The following NFATC2 variants were observed in gnomAD, a reference collection of about 807,000 sequenced individuals.
NFATC2 encodes the protein nuclear factor of activated T-cells, cytoplasmic 2.
NFATC2 carries 22 observed loss-of-function variants against 87.3 expected under a neutral mutation model. The observed-to-expected ratio is 0.25, with a 90% CI of 0.18 to 0.36. The LOEUF is 0.36. Among genes scored for constraint, NFATC2 ranks in the 10% least tolerant of loss-of-function variants. The pLI is 1.00. For synonymous variants in NFATC2, 565 were observed against 542.2 expected (o/e 1.04, Z -0.58); for missense variants, 1,149 against 1,259.1 (o/e 0.91, Z 1.32).
intron 3 of NFATC2, among the ~76,000 whole-genome samples, chr20:51,504,999 CTTTTTTTTTTTTTTTTTTTTT>C (rs34489487): frequency 3.6e-4 from 26 of 72,504 alleles, no homozygotes; most frequent in African/African-American, 1.7e-3. Context: ...TATCTAGTTC[CTTTTTTTTTTTTTTTTTTTTT>C]TTTTTTTTTT....
At position 51,433,831 on chromosome 20, in the gene NFATC2, G is replaced by A. The variant is rs533321773; in HGVS notation, c.2033-1075C>T. Among the ~76,000 whole-genome samples, 18 of 151,816 alleles carry A rather than the reference G, an allele frequency of 1.2e-4. No homozygotes were observed. The East Asian group carries it at 2.7e-3, about 23-fold the overall frequency. Reference sequence around the variant, plus strand: ...AAGTATTGGGGTTTGGAGGAGATAAGGAGACTAGGCAAGGCTGTCTCTAAC... The same window carrying A: ...AAGTATTGGGGTTTGGAGGAGATAAAGAGACTAGGCAAGGCTGTCTCTAAC... On this transcript the variant is annotated intron_variant, in intron 8 of 10. Transcript: ENST00000371564.
chr20:51,449,223 G>A (rs1323293704), intron 6 of NFATC2, among the ~76,000 whole-genome samples: 1 of 152,182 alleles, frequency 6.6e-6, no homozygotes, highest in Middle Eastern at 3.2e-3. Context: ...CATGGAGATG[G>A]GAACGGGGAT....
intron 5 of NFATC2, among the ~76,000 whole-genome samples, chr20:51,462,400 C>T (rs1419372637): frequency 1.3e-5 from 2 of 152,122 alleles, no homozygotes; most frequent in East Asian, 1.9e-4. Flanking sequence ...GAGTCGAGAT[C>T]GCGCCACTGC....
At chr20:51,485,432 C>A (rs1434227594) in intron 3 of NFATC2, among the ~76,000 whole-genome samples, 1 of 152,224 alleles carries the variant, frequency 6.6e-6, no homozygotes, top group East Asian at 1.9e-4. Flanking sequence ...TACCAACATT[C>A]CCGTCCCCAC....
rs11474098 is a variant in NFATC2 at position 51,438,443 on chromosome 20, G to GAAAA, written c.1850-2686_1850-2683dup. 3.5e-3 allele frequency among the ~76,000 whole-genome samples: 481 copies of GAAAA among 138,976 alleles called. 4 individuals carry two copies. Among genetic ancestry groups the GAAAA allele is most frequent in the Admixed American group, 5.0e-3 (70 of 13,888 alleles). The allele number at this position is 138,976 out of a possible 152,430, so 91.2% of individuals were successfully genotyped here. ...TTTTCCACTTATATGAGCTTGCTTT[G>GAAAA]AAAAAAAAAAAAAAAAGATCATTTT... On this transcript the variant is annotated intron_variant, in intron 6 of 10. Coordinates refer to ENST00000371564, the MANE Select transcript of NFATC2 (RefSeq NM_012340.5).
At chr20:51,532,968 T>C (rs1230423270) in intron 1 of NFATC2, among the ~76,000 whole-genome samples, 7 of 152,126 alleles carry the variant, frequency 4.6e-5, no homozygotes, top group Admixed American at 4.6e-4. Context: ...CACTGATCCC[T>C]GGCCAAGCTG....
chr20:51,529,631 G>T (rs2076601230), intron 1 of NFATC2, among the ~76,000 whole-genome samples: 1 of 152,048 alleles, frequency 6.6e-6, no homozygotes, highest in South Asian at 2.1e-4. Flanking sequence ...ACCACCAAAT[G>T]TTCTCAGGAG....
intron 3 of NFATC2, among the ~76,000 whole-genome samples, chr20:51,479,893 C>T (rs1989086826): frequency 6.6e-6 from 1 of 152,196 alleles, no homozygotes. Flanking sequence ...TCTCTGTCCT[C>T]AGCGCTTGGT....
chr20:51,487,757 C>A (rs1989838932), intron 3 of NFATC2, among the ~76,000 whole-genome samples: 1 of 152,050 alleles, frequency 6.6e-6, no homozygotes, highest in African/African-American at 2.4e-5. Context: ...AAAGACTGTG[C>A]AGGTCTCTCT....
chr20:51,539,056 TC>T (rs1186777241), intron 1 of NFATC2, among the ~76,000 whole-genome samples: 1 of 152,156 alleles, frequency 6.6e-6, no homozygotes, highest in Non-Finnish European at 1.5e-5. Flanking sequence ...CTTAGCGTCC[TC>T]CTCCATAAAA....
chr20:51,506,839 A>G (rs185858590), intron 3 of NFATC2, among the ~76,000 whole-genome samples: 58 of 152,290 alleles, frequency 3.8e-4, no homozygotes, highest in Non-Finnish European at 4.6e-4. Flanking sequence ...CCTAAAGCAG[A>G]TGTCTCCTTT....
At chr20:51,542,749 C>T, upstream of NFATC2, 2 of 3,882 alleles carry the variant, frequency 5.2e-4, no homozygotes, top group Non-Finnish European at 8.9e-4. Flanking sequence ...CCCGGGGAGG[C>T]GGGGGGGGGG....
intron 1 of NFATC2, among the ~76,000 whole-genome samples, chr20:51,537,906 T>C (rs911082414): frequency 3.9e-5 from 6 of 152,196 alleles, no homozygotes; most frequent in Admixed American, 2.6e-4. Flanking sequence ...ATAAAATGGA[T>C]AATTTCCCAG....
At chr20:51,499,060 G>A (rs2076036835) in intron 3 of NFATC2, among the ~76,000 whole-genome samples, 1 of 152,156 alleles carries the variant, frequency 6.6e-6, no homozygotes, top group Non-Finnish European at 1.5e-5. Flanking sequence ...AAGAGAGGCA[G>A]GCAGGGACCG....
chr20:51,499,216 GATGA>G (rs2076040145), intron 3 of NFATC2, among the ~76,000 whole-genome samples: 1 of 152,204 alleles, frequency 6.6e-6, no homozygotes. Flanking sequence ...GTGGGGAGCA[GATGA>G]ATGAAGGGTG....
chr20:51,392,833 A>C (rs1316327386), intron 10 of NFATC2, among the ~76,000 whole-genome samples: 2 of 151,380 alleles, frequency 1.3e-5, no homozygotes, highest in Admixed American at 1.3e-4. Flanking sequence ...TCGCTGGAAA[A>C]CCCCTGCCCA....
rs957146516 is a variant in NFATC2, at chr20:51,387,907, C to T, written c.*3589G>A. 1 of 139,162 alleles carries T rather than the reference C, an allele frequency of 7.2e-6. No individual in the cohort carries two copies. Among genetic ancestry groups the T allele is most frequent in the Non-Finnish European group, 1.5e-5 (1 of 66,164 alleles). The allele number at this position is 139,162 out of a possible 1,614,324, so 8.6% of individuals were successfully genotyped here. A position where few individuals can be genotyped will look rare whatever the true frequency, so the allele number is the denominator to read the frequency against. The stretch of plus-strand genomic sequence containing the variant: ...TGATAAATTCAGCCTCACTGTAGTC[C>T]AGAGTGAGAATTAGAACATACCAAC... On this transcript the variant is annotated 3_prime_UTR_variant, in exon 11 of 11. Transcript: ENST00000371564.
At position 51,432,763 on chromosome 20, in the gene NFATC2, G is replaced by A. The variant is rs1489851835; in HGVS notation, c.2033-7C>T. The A allele has an allele frequency of 6.4e-7, 1 of 1,560,398 alleles. No individual in the cohort carries two copies. Among genetic ancestry groups the A allele is most frequent in the Non-Finnish European group, 8.6e-7 (1 of 1,162,676 alleles). ...TCCGTCTTGATGGCTGGGACTGGGA[G>A]GAGAAAAGAGCACATAGGGGCGCCC... On this transcript the variant is annotated splice_region_variant and splice_polypyrimidine_tract_variant and intron_variant, in intron 8 of 10. Coordinates refer to ENST00000371564, the MANE Select transcript of NFATC2 (RefSeq NM_012340.5). This position sits in a 1 kb window ranked among gnomAD's most constrained non-coding sequence, Gnocchi z 4.6.
chr20:51,490,575 T>C (rs965859184), intron 3 of NFATC2, among the ~76,000 whole-genome samples: 4 of 152,194 alleles, frequency 2.6e-5, no homozygotes, highest in Non-Finnish European at 5.9e-5. Flanking sequence ...AGAAACTTTA[T>C]GTTGCTGCCA....
Sources: allele counts gnomAD v4.1 joint callset (sites outside exome capture counted in the v4.1 genomes callset), GRCh38; gene constraint gnomAD v4.1.1; non-coding constraint Gnocchi (gnomAD v3.1); transcripts MANE v1.5; gene names NCBI Gene and HGNC (gene_info 2026-07-23, HGNC 2026-07-21).